Variants in RNF216 observed in about 807,000 individuals in gnomAD.
RNF216 encodes the protein ring finger protein 216, also known as E3 ubiquitin-protein ligase RNF216.
In RNF216, 72 loss-of-function variants were observed where a neutral mutation model predicts 110.8. That is an observed-to-expected ratio of 0.65 (90% CI 0.54 to 0.79). The LOEUF is 0.79. Ranked by LOEUF, RNF216 falls within the 30% of genes least tolerant of loss-of-function variation. The pLI is 0.00. For missense variants in RNF216, 1,342 were observed against 1,141.2 expected (o/e 1.18, Z -2.54); for synonymous variants, 495 against 407.5 (o/e 1.21, Z -2.59).
rs183894228 is a variant in RNF216, at chr7:5,668,530, G to A, written c.2062-16020C>T. Among the ~76,000 whole-genome samples, 8 of 152,182 alleles carry A rather than the reference G, an allele frequency of 5.3e-5. No individual in the cohort carries two copies. The East Asian group carries it at 1.5e-3, about 29-fold the overall frequency. On this transcript the variant is annotated intron_variant, in intron 13 of 16. Transcript: ENST00000389902. ...GAGCCACCGTGCCAGGCCACAAAGC[G>A]GACTTTTAATCTTTCCCTCCTTGCT... is the stretch of plus-strand genomic sequence containing the variant.
intron 13 of RNF216, among the ~76,000 whole-genome samples, chr7:5,691,516 G>T (rs1483915768): frequency 6.6e-6 from 1 of 152,232 alleles, no homozygotes; most frequent in Non-Finnish European, 1.5e-5. Flanking sequence ...GTGCTGGTGT[G>T]TGTAGAAGAG....
chr7:5,762,737 G>T (rs374280986), intron 1 of RNF216, among the ~76,000 whole-genome samples: 1 of 151,978 alleles, frequency 6.6e-6, no homozygotes, highest in Non-Finnish European at 1.5e-5. Flanking sequence ...TACAGTATGC[G>T]TAAGAATGAC....
At chr7:5,678,951 C>T (rs1451092702) in intron 13 of RNF216, among the ~76,000 whole-genome samples, 1 of 152,210 alleles carries the variant, frequency 6.6e-6, no homozygotes, top group African/African-American at 2.4e-5. Context: ...CCTGATCACA[C>T]AGGGACTAGA....
At chr7:5,637,603 G>A (rs928254952) in intron 15 of RNF216, among the ~76,000 whole-genome samples, 6 of 152,198 alleles carry the variant, frequency 3.9e-5, no homozygotes, top group African/African-American at 1.4e-4. Flanking sequence ...CAGAAGTGTA[G>A]TGGCGCAGTC....
chr7:5,734,869 A>AAATAAATAAATAAAT (rs1236322901), intron 5 of RNF216, among the ~76,000 whole-genome samples: 2 of 75,012 alleles, frequency 2.7e-5, no homozygotes, highest in Non-Finnish European at 7.1e-5. Context: ...AATAAATAAA[A>AAATAAATAAATAAAT]GGTTTGCAGG....
At chr7:5,644,573 T>C (rs1055986425) in intron 14 of RNF216, among the ~76,000 whole-genome samples, 1 of 151,922 alleles carries the variant, frequency 6.6e-6, no homozygotes, top group African/African-American at 2.4e-5. Context: ...TAGTGTAATA[T>C]CAGCTCACTG....
chr7:5,622,828 G>T lies in RNF216; in HGVS notation c.*32C>A, dbSNP rs1001189641. The T allele has an allele frequency of 1.3e-6, 2 of 1,561,874 alleles. No homozygotes were observed. Among genetic ancestry groups the T allele is most frequent in the Non-Finnish European group, 1.7e-6 (2 of 1,149,916 alleles). ...CCATCCACACTCCTACCCCAAACGG[G>T]CTTTGTGCTGCTCAATGGGGATTCG... On this transcript the variant is annotated 3_prime_UTR_variant, in exon 17 of 17. Coordinates refer to ENST00000389902, the MANE Select transcript of RNF216 (RefSeq NM_207111.4).
intron 8 of RNF216, among the ~76,000 whole-genome samples, chr7:5,722,992 T>A (rs73341623): frequency 0.059 from 9,043 of 152,158 alleles, 898 homozygotes; most frequent in African/African-American, 0.21. Flanking sequence ...TTTGGTATTA[T>A]GAGAATAGAA....
intron 1 of RNF216, among the ~76,000 whole-genome samples, chr7:5,776,990 G>C (rs1180600911): frequency 6.6e-6 from 1 of 151,830 alleles, no homozygotes; most frequent in African/African-American, 2.4e-5. Context: ...GAAAGGAAGA[G>C]AAAGAGCGAG....
At chr7:5,638,684 C>T (rs369168799) in intron 15 of RNF216, among the ~76,000 whole-genome samples, 35 of 148,198 alleles carry the variant, frequency 2.4e-4, no homozygotes, top group African/African-American at 8.5e-4. Context: ...GTCACCCAGG[C>T]TACAGTGCAG....
intron 2 of RNF216, among the ~76,000 whole-genome samples, chr7:5,753,500 C>G (rs1795440828): frequency 6.6e-6 from 1 of 152,190 alleles, no homozygotes; most frequent in African/African-American, 2.4e-5. Context: ...GCATCTATGA[C>G]AGTCAGCAAT....
At chr7:5,722,369 GTT>G (rs36102190) in intron 8 of RNF216, among the ~76,000 whole-genome samples, 15 of 143,604 alleles carry the variant, frequency 1.0e-4, no homozygotes, top group East Asian at 4.1e-4. Flanking sequence ...TCATTCTCAT[GTT>G]TTTTTTTTTG....
At position 5,621,411 on chromosome 7, in the gene RNF216, A is replaced by G. The variant is rs1364015636; in HGVS notation, c.*1449T>C. ...ACTCATCCGCCCGCCTCGGCCTCCC[A>G]AAGTGCTGGGATTACAGGCGGGAGC... On this transcript the variant is annotated 3_prime_UTR_variant, in exon 17 of 17. Coordinates refer to ENST00000389902, the MANE Select transcript of RNF216 (RefSeq NM_207111.4). 6.6e-6 allele frequency: 1 copy of G among 152,246 alleles called. No individual in the cohort carries two copies. Among genetic ancestry groups the G allele is most frequent in the Non-Finnish European group, 1.5e-5 (1 of 68,124 alleles). 9.4% of individuals were successfully genotyped at this position (152,246 alleles called of 1,614,324 possible). A position where few individuals can be genotyped will look rare whatever the true frequency, so the allele number is the denominator to read the frequency against.
chr7:5,688,130 T>C (rs912587201), intron 13 of RNF216, among the ~76,000 whole-genome samples: 2 of 152,198 alleles, frequency 1.3e-5, no homozygotes, highest in African/African-American at 4.8e-5. Flanking sequence ...TTCCCACAGT[T>C]GGCTGGTGGG....
chr7:5,738,600 C>T (rs1445975654), intron 5 of RNF216, among the ~76,000 whole-genome samples: 11 of 149,528 alleles, frequency 7.4e-5, no homozygotes, highest in African/African-American at 2.2e-4. Flanking sequence ...CCCAGCTACT[C>T]GGGAGGCTGA....
chr7:5,659,841 A>G (rs1480851120), intron 13 of RNF216, among the ~76,000 whole-genome samples: 4 of 152,244 alleles, frequency 2.6e-5, no homozygotes, highest in Non-Finnish European at 5.9e-5. Context: ...ATGGGGCAAT[A>G]GCAGCACACC....
At position 5,761,003 on chromosome 7, in the gene RNF216, C is replaced by T. The variant is rs780523336; in HGVS notation, c.67G>A (p.Glu23Lys). Residue 23 changes from glutamate (E) to lysine (K), a missense_variant and splice_region_variant, in exon 2 of 17, where the codon GAG becomes AAG. Coordinates refer to ENST00000389902, the MANE Select transcript of RNF216 (RefSeq NM_207111.4). ...GATGAAGTGAGAACAAACAACTTAC[C>T]TTGTCCCCGATGGCAGTGAAAGTTG... Reference protein sequence around the residue: ...LNNFHCHRGQEWINLRDGPIT... With the variant: ...LNNFHCHRGQKWINLRDGPIT... 3 of 1,572,632 alleles carry T rather than the reference C, an allele frequency of 1.9e-6. No individual in the cohort carries two copies. The highest frequency in any genetic ancestry group is 2.6e-6 in the Non-Finnish European group (3 of 1,160,494).
At chr7:5,731,577 T>C (rs1423288334) in intron 5 of RNF216, among the ~76,000 whole-genome samples, 1 of 151,380 alleles carries the variant, frequency 6.6e-6, no homozygotes, top group Non-Finnish European at 1.5e-5. Context: ...GACAACCACC[T>C]TGGAACAACT....
At position 5,620,685 on chromosome 7, in the gene RNF216, T is replaced by G. The variant is rs1462554476; in HGVS notation, c.*2175A>C. On this transcript the variant is annotated 3_prime_UTR_variant, in exon 17 of 17. Transcript: ENST00000389902. Reference sequence around the variant, plus strand: ...TCTCAAATGACCCACCCCTGGGGTTTGGCCTTAGGAGAAACATCACTCTGG... The same window carrying G: ...TCTCAAATGACCCACCCCTGGGGTTGGGCCTTAGGAGAAACATCACTCTGG... 6.6e-6 allele frequency: 1 copy of G among 152,342 alleles called. No individual in the cohort carries two copies. Among genetic ancestry groups the G allele is most frequent in the Non-Finnish European group, 1.5e-5 (1 of 68,140 alleles). The allele number at this position is 152,342 out of a possible 1,614,324, so 9.4% of individuals were successfully genotyped here. A position where few individuals can be genotyped will look rare whatever the true frequency, so the allele number is the denominator to read the frequency against.
Sources: allele counts gnomAD v4.1 joint callset (sites outside exome capture counted in the v4.1 genomes callset), GRCh38; gene constraint gnomAD v4.1.1; transcripts MANE v1.5; gene names NCBI Gene and HGNC (gene_info 2026-07-23, HGNC 2026-07-21).